The following COL5A2 variants were observed in gnomAD, a reference collection of about 807,000 sequenced individuals.
The protein encoded by COL5A2 is collagen alpha-2(V) chain.
COL5A2 carries 23 observed loss-of-function variants against 208.2 expected under a neutral mutation model. The ratio of observed to expected loss-of-function variants is 0.11; its 90% confidence interval spans 0.08 to 0.16. COL5A2 has a LOEUF of 0.16. Among genes scored for constraint, COL5A2 ranks in the 10% least tolerant of loss-of-function variants. COL5A2 has a pLI of 1.00. For missense variants in COL5A2, 1,590 were observed against 1,956.4 expected, an observed-to-expected ratio of 0.81 and a Z score of 3.53; for synonymous variants, 625 against 628.5, an observed-to-expected ratio of 0.99 and a Z score of 0.08.
chr2:189,237,439 T>C, the COL5A2 span, among the ~76,000 whole-genome samples: 1 of 151,090 alleles, frequency 6.6e-6, no homozygotes, highest in Non-Finnish European at 1.5e-5. Flanking sequence ...CAAATGAATA[T>C]AGTAGTCAAT....
the COL5A2 span, among the ~76,000 whole-genome samples, chr2:189,270,640 T>C: frequency 6.6e-6 from 1 of 151,984 alleles, no homozygotes; most frequent in African/African-American, 2.4e-5. Context: ...AGTGTTTTAC[T>C]TCCAGTTATG....
At chr2:189,302,194 TG>T in the COL5A2 span, among the ~76,000 whole-genome samples, 2 of 152,194 alleles carry the variant, frequency 1.3e-5, no homozygotes, top group Non-Finnish European at 2.9e-5. Flanking sequence ...TAGTAAATAC[TG>T]AAATTTCCCA....
chr2:189,356,989 C>A, the COL5A2 span, among the ~76,000 whole-genome samples: 1 of 152,138 alleles, frequency 6.6e-6, no homozygotes, highest in Non-Finnish European at 1.5e-5. Context: ...CTTACATGCC[C>A]CTCTGCTGCA....
intron 12 of COL5A2, 22 bp downstream of exon 12, chr2:189,083,961 CT>C: frequency 6.3e-7 from 1 of 1,578,122 alleles, no homozygotes; most frequent in Non-Finnish European, 8.7e-7. Context: ...CAAAGTTTGC[CT>C]TTATGTTGAG....
intron 1 of COL5A2, among the ~76,000 whole-genome samples, chr2:189,220,522 A>T (rs561990863): frequency 8.1e-4 from 123 of 152,102 alleles, no homozygotes; most frequent in African/African-American, 2.9e-3. Context: ...GAACATGCCA[A>T]TCACTTCCAC....
upstream of COL5A2, among the ~76,000 whole-genome samples, chr2:189,229,001 A>G (rs187447226): frequency 6.6e-6 from 1 of 152,050 alleles, no homozygotes; most frequent in African/African-American, 2.4e-5. Context: ...AGGATGGCTC[A>G]TCATATAAAT....
chr2:189,051,565 T>C, intron 41 of COL5A2, 84 bp from the exon 42 acceptor site: 1 of 1,272,364 alleles, frequency 7.9e-7, no homozygotes, highest in Non-Finnish European at 1.1e-6. Flanking sequence ...CTGCCTCAGA[T>C]GCAGATGTCC....
chr2:189,277,576 A>G, the COL5A2 span, among the ~76,000 whole-genome samples: 1 of 152,120 alleles, frequency 6.6e-6, no homozygotes, highest in Non-Finnish European at 1.5e-5. Flanking sequence ...TTTTCAGGTT[A>G]TAGTTTGGGA....
the COL5A2 span, among the ~76,000 whole-genome samples, chr2:189,336,010 G>C: frequency 2.0e-5 from 3 of 151,988 alleles, no homozygotes; most frequent in Non-Finnish European, 4.4e-5. Flanking sequence ...ATCTGACAAA[G>C]ATCTTTTACA....
intron 16 of COL5A2, among the ~76,000 whole-genome samples, chr2:189,077,130 G>A (rs924010276): frequency 6.6e-6 from 1 of 152,098 alleles, no homozygotes; most frequent in Non-Finnish European, 1.5e-5. Flanking sequence ...TTGGCCTAGA[G>A]AAGTGGCCCA....
At chr2:189,219,966 A>G (rs1471629404) in intron 1 of COL5A2, among the ~76,000 whole-genome samples, 3 of 152,094 alleles carry the variant, frequency 2.0e-5, no homozygotes, top group Non-Finnish European at 4.4e-5. Context: ...AGGGGTCCAC[A>G]TTTTCATTGT....
chr2:189,061,513 A>T, intron 30 of COL5A2, 49 bp downstream of exon 30: 9 of 1,297,818 alleles, frequency 6.9e-6, no homozygotes, highest in African/African-American at 1.5e-5. Context: ...AAAAAAAAAA[A>T]GCATTTTAGT....
chr2:189,294,766 C>T, the COL5A2 span, among the ~76,000 whole-genome samples: 2 of 152,134 alleles, frequency 1.3e-5, no homozygotes, highest in African/African-American at 4.8e-5. Context: ...ATGTCTTCCA[C>T]ATTTTTGGCC....
the COL5A2 span, among the ~76,000 whole-genome samples, chr2:189,338,067 C>A: frequency 1.5e-4 from 23 of 152,244 alleles, no homozygotes; most frequent in Middle Eastern, 3.4e-3. Flanking sequence ...TTGTTTAACT[C>A]TTAATTCAAC....
chr2:189,057,266 G>T, intron 34 of COL5A2, 54 bp downstream of exon 34: 4 of 1,003,626 alleles, frequency 4.0e-6, no homozygotes, highest in Non-Finnish European at 5.6e-6. Context: ...TTCATTTTCA[G>T]CAGAAAGTCT....
At chr2:189,054,036 G>A in intron 36 of COL5A2, 88 bp from the exon 37 acceptor site, 1 of 1,436,490 alleles carries the variant, frequency 7.0e-7, no homozygotes, top group Non-Finnish European at 9.8e-7. Flanking sequence ...AGGAGATAGT[G>A]GAAAAGAACT....
the COL5A2 span, among the ~76,000 whole-genome samples, chr2:189,376,877 T>C: frequency 9.2e-5 from 14 of 152,050 alleles, 1 homozygote. Context: ...AAAGTTCCAA[T>C]CCCAGGAACT....
At chr2:189,297,070 T>C in the COL5A2 span, among the ~76,000 whole-genome samples, 4 of 152,310 alleles carry the variant, frequency 2.6e-5, no homozygotes, top group South Asian at 6.2e-4. Flanking sequence ...CATATAAACG[T>C]TGATCTCAAC....
the COL5A2 span, among the ~76,000 whole-genome samples, chr2:189,234,505 T>A: frequency 2.0e-5 from 3 of 151,712 alleles, no homozygotes; most frequent in Non-Finnish European, 4.4e-5. Context: ...TTTTCCTGAG[T>A]CGTTGGATAC....
Sources: gnomAD v4.1 joint callset for allele counts (sites outside exome capture counted in the v4.1 genomes callset) on GRCh38, gnomAD v4.1.1 for gene constraint, MANE v1.5 for transcripts, NCBI Gene and HGNC (gene_info 2026-07-23, HGNC 2026-07-21) for gene names.